The following COG6 variants were observed in gnomAD, a reference collection of about 807,000 sequenced individuals.
The protein encoded by COG6 is component of oligomeric golgi complex 6, also known as conserved oligomeric Golgi complex subunit 6.
COG6 carries 74 observed loss-of-function variants against 88.8 expected under a neutral mutation model. The observed-to-expected ratio is 0.83, with a 90% confidence interval of 0.69 to 1.01. The LOEUF (loss-of-function observed/expected upper bound fraction) is 1.01, where lower values mean the gene tolerates loss of function less well. Ranked by LOEUF, COG6 falls within the 50% of genes least tolerant of loss-of-function variation. COG6 has a pLI of 0.00. For synonymous variants in COG6, 286 were observed against 278.7 expected (o/e 1.03, Z -0.26); for missense variants, 800 against 797.9 (o/e 1.00, Z -0.03).
At position 39,727,500 on chromosome 13, in the gene COG6, A is replaced by G. The variant is rs1390903795; in HGVS notation, c.1778A>G (p.Asp593Gly). Residue 593 changes from aspartate to glycine, a missense_variant, in exon 18 of 19, where the codon GAC (aspartate) becomes GGC (glycine). Asp to Gly is a moderately conservative substitution (Grantham distance 94). Coordinates refer to ENST00000455146, the MANE Select transcript of COG6 (RefSeq NM_020751.3). The part of the protein sequence containing the change: ...VQFDRYLSAP[D>G]NLLIPQLNFL... Reference sequence around the variant, plus strand: ...TTTGATCGTTATCTGTCAGCCCCAGACAACCTATTGATACCACAGCTGAAC... The same window carrying G: ...TTTGATCGTTATCTGTCAGCCCCAGGCAACCTATTGATACCACAGCTGAAC... 1.2e-6 allele frequency: 2 copies of G among 1,613,342 alleles called. No homozygotes were observed. Among genetic ancestry groups the G allele is most frequent in the African/African-American group, 1.3e-5 (1 of 74,892 alleles).
chr13:39,700,639 G>C (rs1380466678), intron 13 of COG6, among the ~76,000 whole-genome samples: 1 of 151,838 alleles, frequency 6.6e-6, no homozygotes, highest in Non-Finnish European at 1.5e-5. Context: ...GAACAAATAT[G>C]TGCTAGCTGT....
In COG6 at chr13:39,788,278, A is replaced by G; in HGVS notation, c.1827-57A>G. On this transcript the variant is annotated intron_variant, in intron 18 of 18. Transcript: ENST00000416691. ...AATATGCAGGAATGTGAGGTATTCAAAGCAGGAAACTGCACCATCAGCAAC... is the reference window on the plus strand; with the variant it reads ...AATATGCAGGAATGTGAGGTATTCAGAGCAGGAAACTGCACCATCAGCAAC... The G allele has an allele frequency of 2.0e-6, 3 of 1,534,486 alleles. No homozygotes were observed. The Admixed American group carries it at 5.9e-5, about 30-fold the overall frequency.
chr13:39,769,687 T>G (rs951231077), intron 18 of COG6, among the ~76,000 whole-genome samples: 2 of 152,162 alleles, frequency 1.3e-5, no homozygotes, highest in African/African-American at 2.4e-5. Context: ...TCCCCTGAAA[T>G]TCATATGTTG....
exon 19 of COG6, chr13:39,790,541 C>T (rs1881909437): frequency 6.6e-6 from 1 of 152,002 alleles, no homozygotes; most frequent in South Asian, 2.1e-4. Flanking sequence ...TGTTCTTCCT[C>T]ATTACTTTTC....
chr13:39,760,651 T>C (rs1880982315), intron 18 of COG6, among the ~76,000 whole-genome samples: 1 of 152,114 alleles, frequency 6.6e-6, no homozygotes, highest in African/African-American at 2.4e-5. Context: ...AACACACTAC[T>C]ATGATTTACC....
At chr13:39,736,288 C>T (rs1171788966) in intron 18 of COG6, among the ~76,000 whole-genome samples, 1 of 152,094 alleles carries the variant, frequency 6.6e-6, no homozygotes, top group African/African-American at 2.4e-5. Context: ...AGTTCTGCAG[C>T]TAAGAGACTC....
Position 39,752,034 on chromosome 13 carries a change from C to T in COG6, c.*941C>T. ...GTTGCCAATTGGCAGTGTGTCTTAT[C>T]TCCATGTTGTAACTGGACTCTGACT... On this transcript the variant is annotated 3_prime_UTR_variant, in exon 19 of 19. Transcript: ENST00000455146. 2.3e-6 allele frequency: 3 copies of T among 1,283,688 alleles called. No homozygotes were observed. Among genetic ancestry groups the T allele is most frequent in the Non-Finnish European group, 3.0e-6 (3 of 985,554 alleles). The allele number at this position is 1,283,688 out of a possible 1,614,324, so 79.5% of individuals were successfully genotyped here.
intron 18 of COG6, among the ~76,000 whole-genome samples, chr13:39,733,836 A>C (rs956669305): frequency 6.6e-6 from 1 of 152,080 alleles, no homozygotes; most frequent in African/African-American, 2.4e-5. Flanking sequence ...TGGACTCTTC[A>C]GGTTTTGAAT....
chr13:39,748,543 AG>A (rs1181091643), intron 18 of COG6, among the ~76,000 whole-genome samples: 2 of 152,118 alleles, frequency 1.3e-5, no homozygotes, highest in Non-Finnish European at 2.9e-5. Flanking sequence ...TGAACCGGGA[AG>A]GCAGAGGTTG....
intron 18 of COG6, among the ~76,000 whole-genome samples, chr13:39,750,112 C>T (rs1041025628): frequency 1.4e-4 from 22 of 152,268 alleles, no homozygotes; most frequent in Admixed American, 5.9e-4. Context: ...GCTTTAAACA[C>T]ACATTTTTAT....
chr13:39,715,606 C>G (rs1422477279), intron 13 of COG6, among the ~76,000 whole-genome samples: 1 of 151,872 alleles, frequency 6.6e-6, no homozygotes, highest in Non-Finnish European at 1.5e-5. Flanking sequence ...GTTTATATTT[C>G]TTATGTATAT....
Position 39,752,544 on chromosome 13 carries a change from C to T in COG6, c.*1451C>T, listed in dbSNP as rs1262438246. 8.1e-7 allele frequency: 1 copy of T among 1,235,998 alleles called. No homozygotes were observed. The highest frequency in any genetic ancestry group is 1.1e-6 in the Non-Finnish European group (1 of 948,318). The allele number at this position is 1,235,998 out of a possible 1,614,324, so 76.6% of individuals were successfully genotyped here. A position where few individuals can be genotyped will look rare whatever the true frequency, so the allele number is the denominator to read the frequency against. ...TTCTACAGAGAAAGAAGATTGATACCTTGCTATGAGTGAATTCCTTTGTTT... is the reference window on the plus strand; with the variant it reads ...TTCTACAGAGAAAGAAGATTGATACTTTGCTATGAGTGAATTCCTTTGTTT... On this transcript the variant is annotated 3_prime_UTR_variant, in exon 19 of 19. Transcript: ENST00000455146.
intron 5 of COG6, chr13:39,678,149 C>T (rs1024099225): frequency 2.4e-6 from 1 of 415,456 alleles, no homozygotes; most frequent in Non-Finnish European, 4.7e-6. Context: ...TCACTGCAGC[C>T]TCAACCTCCC....
chr13:39,744,323 T>C (rs2138132908), intron 18 of COG6, among the ~76,000 whole-genome samples: 1 of 152,306 alleles, frequency 6.6e-6, no homozygotes. Context: ...CATCCCTGTT[T>C]GCAGATGACA....
At chr13:39,733,184 G>T (rs897382957) in intron 18 of COG6, among the ~76,000 whole-genome samples, 1 of 147,558 alleles carries the variant, frequency 6.8e-6, no homozygotes, top group Non-Finnish European at 1.5e-5. Context: ...CAAAAAGAAA[G>T]AATTCTTTTT....
chr13:39,715,456 G>T (rs577738268), intron 13 of COG6, among the ~76,000 whole-genome samples: 2 of 152,060 alleles, frequency 1.3e-5, no homozygotes, highest in East Asian at 3.9e-4. Context: ...TTTATGAAAG[G>T]TATTGGGAAC....
intron 18 of COG6, among the ~76,000 whole-genome samples, chr13:39,782,020 G>T (rs1881644400): frequency 6.6e-6 from 1 of 152,166 alleles, no homozygotes; most frequent in East Asian, 1.9e-4. Flanking sequence ...ATCAGTGGGA[G>T]ATGATAGCAT....
intron 2 of COG6, 90 bp downstream of exon 2, chr13:39,659,597 G>A (rs1874768470): frequency 4.4e-6 from 5 of 1,144,712 alleles, no homozygotes; most frequent in Non-Finnish European, 6.4e-6. Flanking sequence ...AGGTTGATAT[G>A]TTTGCTATTT....
chr13:39,731,635 G>A (rs1566031870), intron 18 of COG6, among the ~76,000 whole-genome samples: 1 of 152,152 alleles, frequency 6.6e-6, no homozygotes, highest in Non-Finnish European at 1.5e-5. Context: ...AAATGGGTAA[G>A]TTTTGATAAC....
Sources: allele counts gnomAD v4.1 joint callset (sites outside exome capture counted in the v4.1 genomes callset), GRCh38; gene constraint gnomAD v4.1.1; transcripts MANE v1.5; gene names NCBI Gene and HGNC (gene_info 2026-07-23, HGNC 2026-07-21).